CARD8: variants seen among roughly 807,000 people sequenced by gnomAD.
CARD8 encodes the protein caspase recruitment domain-containing protein 8.
In CARD8, 38 loss-of-function variants were observed where a neutral mutation model predicts 53.2. The observed-to-expected ratio is 0.71, with a 90% CI of 0.55 to 0.94. The LOEUF (loss-of-function observed/expected upper bound fraction) is 0.94. Ranked by LOEUF, CARD8 falls within the 40% of genes least tolerant of loss-of-function variation. CARD8 has a pLI of 0.00. For missense variants in CARD8, 561 were observed against 655.5 expected, an observed-to-expected ratio of 0.86 and a Z score of 1.57; for synonymous variants, 245 against 244.9, an observed-to-expected ratio of 1.00 and a Z score of 0.00.
downstream of CARD8, among the ~76,000 whole-genome samples, chr19:48,205,108 TAGTC>T (rs777793045): frequency 6.6e-5 from 10 of 152,184 alleles, no homozygotes; most frequent in Non-Finnish European, 1.3e-4. Context: ...GAGCTGGGGA[TAGTC>T]AGGAAAAGTC....
chr19:48,226,625 T>C (rs570836918), intron 10 of CARD8, among the ~76,000 whole-genome samples: 7 of 152,334 alleles, frequency 4.6e-5, no homozygotes, highest in Non-Finnish European at 2.9e-5. Context: ...AATCTCCCTG[T>C]TCCTAGATTT....
In CARD8 at chr19:48,213,018, A is replaced by G. The variant is rs2123863786; in HGVS notation, c.1349-1043T>C. ...AACTTACACTGTGTGGAGCCTGACA[A>G]TGAAGCCAACAATATGGAAGGCGGG... On this transcript the variant is annotated intron_variant, in intron 13 of 13. Coordinates refer to ENST00000651546, the MANE Select transcript of CARD8 (RefSeq NM_001184900.3). The G allele has an allele frequency of 2.0e-5, 3 of 152,334 alleles. No homozygotes were observed. In the South Asian group the frequency reaches 6.2e-4, roughly 32 times the overall value. The allele number at this position is 152,334 out of a possible 1,614,324, so 9.4% of individuals were successfully genotyped here. A position where few individuals can be genotyped will look rare whatever the true frequency, so the allele number is the denominator to read the frequency against.
chr19:48,207,805 G>A (rs371573394), downstream of CARD8, among the ~76,000 whole-genome samples: 5 of 131,442 alleles, frequency 3.8e-5, no homozygotes, highest in South Asian at 1.3e-3. Flanking sequence ...GTGTGATCTT[G>A]GCTCACTGCA....
chr19:48,254,735 T>G (rs1401212804), intron 1 of CARD8, among the ~76,000 whole-genome samples: 2 of 152,134 alleles, frequency 1.3e-5, no homozygotes, highest in East Asian at 3.9e-4. Context: ...GAGTCACTTA[T>G]GTTAAGATAA....
At chr19:48,220,232 T>C (rs2040209539) in intron 11 of CARD8, among the ~76,000 whole-genome samples, 1 of 152,160 alleles carries the variant, frequency 6.6e-6, no homozygotes, top group Admixed American at 6.5e-5. Context: ...GTTGGGCACT[T>C]TATTAAATTC....
rs1035175097 is a variant in CARD8 at position 48,209,632 on chromosome 19, A to G, written c.*2078T>C. On this transcript the variant is annotated 3_prime_UTR_variant, in exon 14 of 14. Coordinates refer to ENST00000651546, the MANE Select transcript of CARD8 (RefSeq NM_001184900.3). Reference sequence around the variant, plus strand: ...AAGAGTCTCAGAAGAGGAGGAAAAAAACAAAATATAATATTGATTGATTCA... The same window carrying G: ...AAGAGTCTCAGAAGAGGAGGAAAAAGACAAAATATAATATTGATTGATTCA... The G allele has an allele frequency of 2.0e-5, 3 of 152,350 alleles. No individual in the cohort carries two copies. In the East Asian group the frequency reaches 5.8e-4, roughly 29 times the overall value. The allele number at this position is 152,350 out of a possible 1,614,324, so 9.4% of individuals were successfully genotyped here. A position where few individuals can be genotyped will look rare whatever the true frequency, so the allele number is the denominator to read the frequency against.
At chr19:48,216,100 C>G (rs1422342090) in intron 12 of CARD8, among the ~76,000 whole-genome samples, 1 of 149,798 alleles carries the variant, frequency 6.7e-6, no homozygotes, top group Non-Finnish European at 1.5e-5. Context: ...AAGACCCAGC[C>G]ATCCACAATC....
rs767640312 is a variant in CARD8 at position 48,226,655 on chromosome 19, A to G, written c.1035+3783T>C. Among the ~76,000 whole-genome samples the G allele has an allele frequency of 9.9e-4, 151 of 152,350 alleles. 1 individual carries two copies. In the Middle Eastern group the frequency reaches 0.01, roughly 10 times the overall value. On this transcript the variant is annotated intron_variant, in intron 10 of 13. Transcript: ENST00000651546. ...AGATTTTAAAAATAGGTGGTAAATG[A>G]AAAACAATGGAACCAGTGAGATAAG...
At chr19:48,223,345 T>G (rs1410170118) in intron 10 of CARD8, among the ~76,000 whole-genome samples, 1 of 151,136 alleles carries the variant, frequency 6.6e-6, no homozygotes, top group African/African-American at 2.4e-5. Flanking sequence ...CAGATCTCTA[T>G]GAAGAAAAGG....
At chr19:48,241,349 G>C (rs536325936) in intron 3 of CARD8, among the ~76,000 whole-genome samples, 2 of 152,092 alleles carry the variant, frequency 1.3e-5, no homozygotes, top group South Asian at 4.1e-4. Context: ...TCCACCTCCC[G>C]GGTTCAAGCG....
chr19:48,210,340 T>TA lies in CARD8; in HGVS notation c.*1369dup, dbSNP rs2037774385. The TA allele has an allele frequency of 6.6e-6, 1 of 151,952 alleles. No individual in the cohort carries two copies. The highest frequency in any genetic ancestry group is 6.6e-5 in the Admixed American group (1 of 15,256). The allele number at this position is 151,952 out of a possible 1,614,324, so 9.4% of individuals were successfully genotyped here. A position where few individuals can be genotyped will look rare whatever the true frequency, so the allele number is the denominator to read the frequency against. ...CCTATCAGAACCACTCTAAAAGAAC[T>TA]AAAAAACGTCTATCAGAGGAAGTGG... On this transcript the variant is annotated 3_prime_UTR_variant, in exon 14 of 14. Coordinates refer to ENST00000651546, the MANE Select transcript of CARD8 (RefSeq NM_001184900.3).
In CARD8 at chr19:48,225,731, A is replaced by G. The variant is rs112077455; in HGVS notation, c.1036-3876T>C. On this transcript the variant is annotated intron_variant, in intron 10 of 13. Coordinates refer to ENST00000651546, the MANE Select transcript of CARD8 (RefSeq NM_001184900.3). Reference sequence around the variant, plus strand: ...GTGAGAAGAGAGTGATAGGAGATGGATAACTGAGATGTTCTAGGGTCACAA... The same window carrying G: ...GTGAGAAGAGAGTGATAGGAGATGGGTAACTGAGATGTTCTAGGGTCACAA... Among the ~76,000 whole-genome samples, 152 of 151,926 alleles carry G rather than the reference A, an allele frequency of 1.0e-3. 1 individual carries two copies. Among genetic ancestry groups the G allele is most frequent in the Non-Finnish European group, 8.8e-5 (6 of 67,986 alleles).
chr19:48,228,118 T>C (rs2042147251), intron 10 of CARD8, among the ~76,000 whole-genome samples: 1 of 152,200 alleles, frequency 6.6e-6, no homozygotes, highest in Non-Finnish European at 1.5e-5. Context: ...GCACGCCCTT[T>C]ATGAGAATCT....
In CARD8 at chr19:48,211,820, A is replaced by C. The variant is rs2038023756; in HGVS notation, c.1504T>G (p.Leu502Val). 6.2e-7 allele frequency: 1 copy of C among 1,614,142 alleles called. No individual in the cohort carries two copies. The highest frequency in any genetic ancestry group is 8.5e-7 in the Non-Finnish European group (1 of 1,180,034). The change falls in exon 14 of 14, where the codon TTG (leucine) becomes GTG (valine). Residue 502 changes from leucine (L) to valine (V), a missense_variant. Physicochemically the swap from Leu to Val is conservative, Grantham distance 32 (BLOSUM62 1). Transcript: ENST00000651546. The stretch of plus-strand genomic sequence containing the variant: ...CCTTTCTTCTCCACCATGCTCAGCA[A>C]GGCCTCATTCTTGCTCTGCCGTGTC... ...EKTRQSKNEA[L>V]LSMVEKKGDL...
chr19:48,227,083 G>A (rs539812659), intron 10 of CARD8, among the ~76,000 whole-genome samples: 20 of 128,036 alleles, frequency 1.6e-4, no homozygotes, highest in African/African-American at 5.9e-4. Context: ...GCAAGACTCC[G>A]TCTCAAAAAA....
intron 4 of CARD8, among the ~76,000 whole-genome samples, chr19:48,240,589 T>C (rs972161421): frequency 2.0e-5 from 3 of 152,002 alleles, no homozygotes; most frequent in African/African-American, 7.3e-5. Context: ...GTCAACATGA[T>C]GAAACCCCGT....
At chr19:48,229,454 T>C (rs952906262) in intron 10 of CARD8, among the ~76,000 whole-genome samples, 2 of 152,234 alleles carry the variant, frequency 1.3e-5, no homozygotes, top group African/African-American at 2.4e-5. Flanking sequence ...ATCTTTATCA[T>C]TCAGATTAAA....
Position 48,221,167 on chromosome 19 carries a change from T to C in CARD8, c.1161+563A>G, listed in dbSNP as rs144274575. On this transcript the variant is annotated intron_variant, in intron 11 of 13. Transcript: ENST00000651546. Reference sequence around the variant, plus strand: ...GCCCTGCAGGAAAAATGTAAAACCATATGAATGGAAAGACTTCTTGCCAGG... The same window carrying C: ...GCCCTGCAGGAAAAATGTAAAACCACATGAATGGAAAGACTTCTTGCCAGG... 1.3e-3 allele frequency among the ~76,000 whole-genome samples: 199 copies of C among 152,276 alleles called. 6 individuals carry two copies. The East Asian group carries it at 0.033, about 25-fold the overall frequency.
At chr19:48,238,199 C>T in intron 5 of CARD8, 184 bp downstream of exon 5, 1 of 1,145,024 alleles carries the variant, frequency 8.7e-7, no homozygotes, top group Non-Finnish European at 1.2e-6. Context: ...ACCTTTTTTC[C>T]CTACTTCTTA....
Sources: allele counts gnomAD v4.1 joint callset (sites outside exome capture counted in the v4.1 genomes callset), GRCh38; gene constraint gnomAD v4.1.1; transcripts MANE v1.5; gene names NCBI Gene and HGNC (gene_info 2026-07-23, HGNC 2026-07-21).